The following PJA2 variants were observed in gnomAD, a reference collection of about 807,000 sequenced individuals.
PJA2 encodes the protein E3 ubiquitin-protein ligase Praja-2.
In PJA2, 25 loss-of-function variants were observed where a neutral mutation model predicts 69.3. That is an observed-to-expected ratio of 0.36 (90% CI 0.26 to 0.50). The LOEUF (loss-of-function observed/expected upper bound fraction) is 0.50, where lower values mean the gene tolerates loss of function less well. Ranked by LOEUF, PJA2 falls within the 20% of genes least tolerant of loss-of-function variation. PJA2 has a pLI of 0.96. For synonymous variants in PJA2, 308 were observed against 277.8 expected (o/e 1.11, Z -1.08); for missense variants, 809 against 830.2 (o/e 0.97, Z 0.31).
chr5:109,392,252 G>A (rs986764311), intron 1 of PJA2, among the ~76,000 whole-genome samples: 2 of 152,030 alleles, frequency 1.3e-5, no homozygotes, highest in African/African-American at 4.8e-5. Context: ...ATGTATCAAT[G>A]GAATAGGATA....
At chr5:109,380,268 T>C (rs1229310270) in intron 3 of PJA2, among the ~76,000 whole-genome samples, 2 of 151,888 alleles carry the variant, frequency 1.3e-5, no homozygotes, top group Non-Finnish European at 2.9e-5. Flanking sequence ...TAGCTAGTAA[T>C]TCAGATTCTT....
intron 4 of PJA2, among the ~76,000 whole-genome samples, chr5:109,370,773 C>A (rs1295571008): frequency 1.3e-5 from 2 of 152,066 alleles, no homozygotes; most frequent in Non-Finnish European, 2.9e-5. Flanking sequence ...ATTTTAATGT[C>A]TTTAACAATT....
rs145633251 is a variant in PJA2 at position 109,368,635 on chromosome 5, A to G, written c.1395T>C (p.Asp465=). ...DESWETLPGK[D]ENEPELQSDS... is the part of the protein sequence containing the mutation. The stretch of plus-strand genomic sequence containing the variant: ...CACTTTGTAGCTCAGGTTCATTCTC[A>G]TCTTTTCCTGGCAGAGTCTCCCAGC... The change falls in exon 5 of 10, where the codon GAT becomes GAC. Residue 465 remains aspartate (D), a synonymous_variant. Transcript: ENST00000361189. The G allele has an allele frequency of 3.1e-6, 5 of 1,614,072 alleles. No homozygotes were observed. Among genetic ancestry groups the G allele is most frequent in the Non-Finnish European group, 4.2e-6 (5 of 1,179,998 alleles).
At chr5:109,387,266 CTAAT>C (rs1253940425) in intron 1 of PJA2, among the ~76,000 whole-genome samples, 1 of 152,098 alleles carries the variant, frequency 6.6e-6, no homozygotes, top group African/African-American at 2.4e-5. Flanking sequence ...TCTGTAGATA[CTAAT>C]TATTTCTACT....
At chr5:109,385,795 G>C (rs1299709434) in intron 1 of PJA2, among the ~76,000 whole-genome samples, 1 of 152,130 alleles carries the variant, frequency 6.6e-6, no homozygotes, top group African/African-American at 2.4e-5. Context: ...GTGCGGATTT[G>C]GGATTTTTTC....
At chr5:109,337,408 C>A (rs914172669) in intron 9 of PJA2, 52 bp from the exon 10 acceptor site, 21 of 1,515,472 alleles carry the variant, frequency 1.4e-5, no homozygotes, top group Non-Finnish European at 1.7e-5. Flanking sequence ...AACTGCCACA[C>A]AAGTAACTTA....
At chr5:109,358,097 T>C (rs541675965) in intron 6 of PJA2, among the ~76,000 whole-genome samples, 71 of 152,310 alleles carry the variant, frequency 4.7e-4, no homozygotes, top group African/African-American at 1.7e-3. Flanking sequence ...AAACTGGCCA[T>C]AAACAAAATC....
At chr5:109,345,113 C>T (rs866639079) in intron 7 of PJA2, among the ~76,000 whole-genome samples, 14 of 138,826 alleles carry the variant, frequency 1.0e-4, no homozygotes, top group African/African-American at 2.7e-4. Flanking sequence ...GAGGCCGAGG[C>T]GGGGTGGGTC....
chr5:109,365,414 T>C (rs1762569052), intron 5 of PJA2, among the ~76,000 whole-genome samples: 1 of 152,190 alleles, frequency 6.6e-6, no homozygotes, highest in Admixed American at 6.5e-5. Flanking sequence ...TACACATATG[T>C]CTACACAATG....
At position 109,403,690 on chromosome 5, in the gene PJA2, C is replaced by G. The variant is rs910805036; in HGVS notation, c.-88+6152G>C. Among the ~76,000 whole-genome samples the G allele has an allele frequency of 4.1e-5, 6 of 147,838 alleles. No individual in the cohort carries two copies. In the Admixed American group the frequency reaches 4.1e-4, roughly 10 times the overall value. ...GTTAACGTAATTCATCACATTAACA[C>G]AGAAACAAACCATATGATCATCTCA... On this transcript the variant is annotated intron_variant, in intron 1 of 9. Transcript: ENST00000361189.
intron 1 of PJA2, chr5:109,409,315 G>C (rs540245839): frequency 6.6e-6 from 1 of 152,476 alleles, no homozygotes; most frequent in South Asian, 2.1e-4. Context: ...CGGGGAAAAT[G>C]CAGACGCCCA....
intron 4 of PJA2, among the ~76,000 whole-genome samples, chr5:109,372,905 C>CCAAAAAAAAAAAAAAAAA (rs1762697512): frequency 2.8e-5 from 1 of 35,700 alleles, no homozygotes. Flanking sequence ...CACTCCGTCT[C>CCAAAAAAAAAAAAAAAAA]AAAAAAAAAA....
rs1012509502 is a variant in PJA2, at chr5:109,337,133, A to G, written c.*98T>C. Reference sequence around the variant, plus strand: ...AACTATGGCATATACTATATATAGCATTTTTAAATATATTTATATATAATT... The same window carrying G: ...AACTATGGCATATACTATATATAGCGTTTTTAAATATATTTATATATAATT... On this transcript the variant is annotated 3_prime_UTR_variant, in exon 10 of 10. Transcript: ENST00000361189. 2.1e-5 allele frequency: 24 copies of G among 1,152,082 alleles called. No homozygotes were observed. Among genetic ancestry groups the G allele is most frequent in the Non-Finnish European group, 2.8e-5 (24 of 859,704 alleles). 71.4% of individuals were successfully genotyped at this position (1,152,082 alleles called of 1,614,324 possible).
At chr5:109,354,898 T>G (rs1317113706) in intron 7 of PJA2, among the ~76,000 whole-genome samples, 1 of 151,840 alleles carries the variant, frequency 6.6e-6, no homozygotes, top group Non-Finnish European at 1.5e-5. Context: ...GAGGACTGCT[T>G]CAGGGCAGGA....
chr5:109,365,409 A>G (rs1762568869), intron 5 of PJA2, among the ~76,000 whole-genome samples: 1 of 152,202 alleles, frequency 6.6e-6, no homozygotes, highest in African/African-American at 2.4e-5. Context: ...AGGTGTACAC[A>G]TATGTCTACA....
chr5:109,365,648 C>G (rs1308926222), intron 5 of PJA2, among the ~76,000 whole-genome samples: 1 of 152,016 alleles, frequency 6.6e-6, no homozygotes, highest in East Asian at 1.9e-4. Context: ...AAATAGCTAC[C>G]CAAGCAATAA....
rs1464265964 is a variant in PJA2 at position 109,334,820 on chromosome 5, T to C, written c.*2411A>G. ...AACCATTACATTTAGACCTGGGCTTTTGAAAAACTTGCATTCCATTTTAAC... is the reference window on the plus strand; with the variant it reads ...AACCATTACATTTAGACCTGGGCTTCTGAAAAACTTGCATTCCATTTTAAC... On this transcript the variant is annotated 3_prime_UTR_variant, in exon 10 of 10. Coordinates refer to ENST00000361189, the MANE Select transcript of PJA2 (RefSeq NM_014819.5). 6.6e-6 allele frequency: 1 copy of C among 152,618 alleles called. No homozygotes were observed. The highest frequency in any genetic ancestry group is 1.5e-5 in the Non-Finnish European group (1 of 68,040). 9.5% of individuals were successfully genotyped at this position (152,618 alleles called of 1,614,324 possible).
chr5:109,337,227 A>G lies in PJA2; in HGVS notation c.*4T>C, dbSNP rs763694465. The G allele has an allele frequency of 6.2e-7, 1 of 1,612,530 alleles. No homozygotes were observed. The highest frequency in any genetic ancestry group is 2.2e-5 in the East Asian group (1 of 44,730). On this transcript the variant is annotated 3_prime_UTR_variant, in exon 10 of 10. Transcript: ENST00000361189. ...TACACTGATCTCATTTCAACTGTCAAGGTTTAGGGTGCTTCTGCAATACTG... is the reference window on the plus strand; with the variant it reads ...TACACTGATCTCATTTCAACTGTCAGGGTTTAGGGTGCTTCTGCAATACTG...
chr5:109,361,858 G>A (rs1762511647), intron 6 of PJA2, among the ~76,000 whole-genome samples: 2 of 152,166 alleles, frequency 1.3e-5, no homozygotes, highest in Admixed American at 6.5e-5. Flanking sequence ...GAAAAGGCAA[G>A]GAAGATCTCA....
Sources: allele counts gnomAD v4.1 joint callset (sites outside exome capture counted in the v4.1 genomes callset), GRCh38; gene constraint gnomAD v4.1.1; transcripts MANE v1.5; gene names NCBI Gene and HGNC (gene_info 2026-07-23, HGNC 2026-07-21).